Variants in CSMD1 observed in about 807,000 individuals in gnomAD.
CSMD1 encodes CUB and Sushi multiple domains 1.
Under a neutral mutation model 417.5 loss-of-function variants are expected in CSMD1, and 213 were observed. The observed-to-expected ratio is 0.51, with a 90% CI of 0.46 to 0.57. The LOEUF is 0.57. Among genes scored for constraint, CSMD1 ranks in the 20% least tolerant of loss-of-function variants. CSMD1 has a pLI of 0.00. For missense variants in CSMD1, 6,923 were observed against 4,529.7 expected, an observed-to-expected ratio of 1.53 and a Z score of -15.17; for synonymous variants, 2,862 against 1,736.8, an observed-to-expected ratio of 1.65 and a Z score of -16.11.
intron 16 of CSMD1, among the ~76,000 whole-genome samples, chr8:3,398,912 T>C (rs548768887): frequency 6.6e-6 from 1 of 152,178 alleles, no homozygotes; most frequent in South Asian, 2.1e-4. Context: ...ATGTCACTCA[T>C]AGGCGATTAG....
intron 3 of CSMD1, among the ~76,000 whole-genome samples, chr8:4,085,282 G>T (rs1289009468): frequency 2.0e-5 from 3 of 152,074 alleles, no homozygotes; most frequent in South Asian, 2.1e-4. Flanking sequence ...CATAGAATAA[G>T]AACATCCTTA....
intron 2 of CSMD1, among the ~76,000 whole-genome samples, chr8:4,524,849 A>T (rs1042762718): frequency 3.9e-5 from 6 of 152,132 alleles, no homozygotes; most frequent in Non-Finnish European, 8.8e-5. Context: ...ATATAATAAA[A>T]ATTGGAATTC....
At chr8:4,147,881 G>T (rs964856438) in intron 3 of CSMD1, among the ~76,000 whole-genome samples, 1 of 152,026 alleles carries the variant, frequency 6.6e-6, no homozygotes, top group African/African-American at 2.4e-5. Flanking sequence ...TGGAATCAGG[G>T]GCTGCATGTG....
rs1365287858 is a variant in CSMD1 at position 3,406,018 on chromosome 8, G to T, written c.2266+9C>A. The T allele has an allele frequency of 3.1e-6, 5 of 1,612,464 alleles. No homozygotes were observed. Among genetic ancestry groups the T allele is most frequent in the South Asian group, 2.2e-5 (2 of 90,948 alleles). ...AAAGGAGAAGAGCGGGGGGTGGCAG[G>T]GACTGCACCTTCACAGCGGGGCACG... On this transcript the variant is annotated intron_variant, in intron 15 of 69. Coordinates refer to ENST00000635120, the MANE Select transcript of CSMD1 (RefSeq NM_033225.6).
At chr8:3,798,961 C>A (rs1271267530) in intron 5 of CSMD1, among the ~76,000 whole-genome samples, 4 of 151,794 alleles carry the variant, frequency 2.6e-5, no homozygotes, top group Non-Finnish European at 2.9e-5. Context: ...TTAGTAGATC[C>A]ATTTATATAT....
chr8:3,253,334 TG>T (rs1400598495), intron 26 of CSMD1, among the ~76,000 whole-genome samples: 5 of 152,086 alleles, frequency 3.3e-5, no homozygotes, highest in African/African-American at 1.2e-4. Context: ...TGTAGTTGAG[TG>T]GTTTTGAGTG....
chr8:4,238,414 C>T (rs983399590), intron 3 of CSMD1, among the ~76,000 whole-genome samples: 1 of 152,192 alleles, frequency 6.6e-6, no homozygotes, highest in East Asian at 1.9e-4. Context: ...CATGGTATAC[C>T]CTAGAGTCAC....
At chr8:4,515,761 ACT>A (rs1003615735) in intron 2 of CSMD1, among the ~76,000 whole-genome samples, 34 of 151,918 alleles carry the variant, frequency 2.2e-4, no homozygotes, top group Admixed American at 9.8e-4. Flanking sequence ...GTGCTCTGCA[ACT>A]CTCTGTTTTA....
chr8:4,739,545 T>G (rs557841302), intron 1 of CSMD1, among the ~76,000 whole-genome samples: 123 of 152,294 alleles, frequency 8.1e-4, no homozygotes, highest in African/African-American at 2.8e-3. Context: ...AAGAAAATCA[T>G]AATAAGCTCC....
intron 5 of CSMD1, among the ~76,000 whole-genome samples, chr8:3,843,547 A>C (rs997249440): frequency 4.6e-5 from 7 of 152,158 alleles, no homozygotes; most frequent in Non-Finnish European, 8.8e-5. Flanking sequence ...TAAAAAAAAA[A>C]CAAGTTATTC....
At chr8:4,547,244 G>A (rs1263357212) in intron 2 of CSMD1, among the ~76,000 whole-genome samples, 2 of 152,148 alleles carry the variant, frequency 1.3e-5, no homozygotes, top group Non-Finnish European at 2.9e-5. Flanking sequence ...TTTCCTTCCT[G>A]CGGCTGCTGA....
intron 1 of CSMD1, among the ~76,000 whole-genome samples, chr8:4,746,967 G>A (rs1034981707): frequency 6.6e-6 from 1 of 152,154 alleles, no homozygotes; most frequent in African/African-American, 2.4e-5. Context: ...TAGAGAGAGG[G>A]AAGAACAGGA....
At chr8:2,994,145 C>CAAAAAAAAAAAAAAA (rs35438493) in intron 54 of CSMD1, among the ~76,000 whole-genome samples, 17 of 30,520 alleles carry the variant, frequency 5.6e-4, no homozygotes, top group African/African-American at 1.2e-3. Flanking sequence ...AACTCCATCT[C>CAAAAAAAAAAAAAAA]AAAAAAAAAA....
intron 2 of CSMD1, among the ~76,000 whole-genome samples, chr8:4,619,431 G>A (rs747651269): frequency 4.6e-5 from 7 of 152,064 alleles, no homozygotes; most frequent in South Asian, 4.1e-4. Flanking sequence ...TTCAACTAGC[G>A]GTCGTCGTTG....
At chr8:4,917,470 T>C (rs1161252383) in intron 1 of CSMD1, among the ~76,000 whole-genome samples, 1 of 151,918 alleles carries the variant, frequency 6.6e-6, no homozygotes, top group East Asian at 1.9e-4. Context: ...CCATCTCTAC[T>C]AAAAATACAA....
intron 15 of CSMD1, among the ~76,000 whole-genome samples, chr8:3,403,486 C>G (rs1273578797): frequency 6.6e-6 from 1 of 152,188 alleles, no homozygotes; most frequent in Non-Finnish European, 1.5e-5. Context: ...TTCCTATTAA[C>G]TTTTTCTTTC....
intron 3 of CSMD1, among the ~76,000 whole-genome samples, chr8:4,123,311 T>C (rs902845753): frequency 7.2e-5 from 11 of 152,358 alleles, no homozygotes; most frequent in African/African-American, 2.4e-4. Context: ...CAGGTCACTA[T>C]CTGGAGCAGA....
At chr8:4,404,843 C>A (rs1043129032) in intron 3 of CSMD1, among the ~76,000 whole-genome samples, 1 of 152,098 alleles carries the variant, frequency 6.6e-6, no homozygotes, top group African/African-American at 2.4e-5. Context: ...CAACAACAGG[C>A]CCTTACACTC....
chr8:4,050,441 C>G (rs905949945), intron 3 of CSMD1, among the ~76,000 whole-genome samples: 1 of 151,962 alleles, frequency 6.6e-6, no homozygotes, highest in South Asian at 2.1e-4. Flanking sequence ...TATATACATA[C>G]TTATGGGGTA....
Sources: gnomAD v4.1 joint callset for allele counts (sites outside exome capture counted in the v4.1 genomes callset) on GRCh38, gnomAD v4.1.1 for gene constraint, MANE v1.5 for transcripts, NCBI Gene and HGNC (gene_info 2026-07-23, HGNC 2026-07-21) for gene names.